Variants in UVRAG observed in about 807,000 individuals in gnomAD.
The protein encoded by UVRAG is UV radiation resistance associated.
A neutral mutation model predicts 78.0 loss-of-function variants in UVRAG; 19 were observed. The ratio of observed to expected loss-of-function variants is 0.24; its 90% CI spans 0.17 to 0.36. The LOEUF (loss-of-function observed/expected upper bound fraction) is 0.36. Among genes scored for constraint, UVRAG ranks in the 10% least tolerant of loss-of-function variants. UVRAG has a pLI of 1.00. For missense variants in UVRAG, 740 were observed against 853.8 expected, an observed-to-expected ratio of 0.87 and a Z score of 1.66; for synonymous variants, 323 against 324.6, an observed-to-expected ratio of 1.00 and a Z score of 0.05.
intron 6 of UVRAG, among the ~76,000 whole-genome samples, chr11:75,924,537 C>A (rs1948049900): frequency 6.6e-6 from 1 of 151,890 alleles, no homozygotes; most frequent in Non-Finnish European, 1.5e-5. Context: ...CAGGCGCCCA[C>A]CACCATGCCC....
intron 13 of UVRAG, among the ~76,000 whole-genome samples, chr11:76,067,790 A>T (rs1428998501): frequency 6.6e-6 from 1 of 152,048 alleles, no homozygotes; most frequent in South Asian, 2.1e-4. Flanking sequence ...CTAAGACTGC[A>T]CTAAGGAAGA....
At chr11:75,978,239 T>G (rs1426002723) in intron 7 of UVRAG, among the ~76,000 whole-genome samples, 1 of 152,220 alleles carries the variant, frequency 6.6e-6, no homozygotes, top group African/African-American at 2.4e-5. Context: ...AGAGATCCGC[T>G]GTTAGTCTGA....
intron 12 of UVRAG, among the ~76,000 whole-genome samples, chr11:76,019,947 T>C (rs1950212619): frequency 6.6e-6 from 1 of 152,110 alleles, no homozygotes. Flanking sequence ...CCTGAGCAGG[T>C]CCAGAGATGC....
Position 75,822,678 on chromosome 11 carries a change from T to TA in UVRAG, c.117+7154_117+7155insA, listed in dbSNP as rs1565330002. On this transcript the variant is annotated intron_variant, in intron 1 of 14. Transcript: ENST00000356136. ...TGCACTTACTGTTTTTTTTTTTTTTTTAAATAAACAATATTACACAGGATA... is the reference window on the plus strand; with the variant it reads ...TGCACTTACTGTTTTTTTTTTTTTTTATAAATAAACAATATTACACAGGATA... 3.8e-3 allele frequency among the ~76,000 whole-genome samples: 574 copies of TA among 150,184 alleles called. 3 individuals are homozygous for TA. The highest frequency in any genetic ancestry group is 0.014 in the African/African-American group (564 of 39,698).
intron 13 of UVRAG, among the ~76,000 whole-genome samples, chr11:76,073,901 A>C (rs1406351189): frequency 6.6e-6 from 1 of 152,184 alleles, no homozygotes; most frequent in Non-Finnish European, 1.5e-5. Context: ...CTTACTAAAC[A>C]ACACATGGTA....
At chr11:75,881,470 C>A (rs555116467) in intron 4 of UVRAG, among the ~76,000 whole-genome samples, 1 of 152,148 alleles carries the variant, frequency 6.6e-6, no homozygotes, top group Non-Finnish European at 1.5e-5. Flanking sequence ...ATTCCAAAGG[C>A]GGCAAATCAG....
intron 3 of UVRAG, among the ~76,000 whole-genome samples, chr11:75,878,796 G>C (rs970438431): frequency 2.6e-5 from 4 of 151,892 alleles, no homozygotes; most frequent in Admixed American, 2.0e-4. Context: ...GTTGCAGTGA[G>C]CCGAGATGGC....
intron 13 of UVRAG, among the ~76,000 whole-genome samples, chr11:76,105,609 G>T (rs752050521): frequency 2.0e-5 from 3 of 151,972 alleles, no homozygotes; most frequent in African/African-American, 7.3e-5. Context: ...ACTTAGCTGG[G>T]TGTGGTGGCA....
At chr11:75,880,258 A>G (rs372750075) in intron 4 of UVRAG, among the ~76,000 whole-genome samples, 17 of 152,230 alleles carry the variant, frequency 1.1e-4, no homozygotes, top group African/African-American at 4.1e-4. Context: ...TAGTTTAACA[A>G]ACACCTTTGT....
chr11:76,021,405 T>C (rs1009854715), intron 12 of UVRAG, among the ~76,000 whole-genome samples: 2 of 152,202 alleles, frequency 1.3e-5, no homozygotes, highest in Non-Finnish European at 2.9e-5. Context: ...CTGCATTTTC[T>C]TTCTTCTTTT....
chr11:76,069,858 A>G (rs994303518), intron 13 of UVRAG, among the ~76,000 whole-genome samples: 5 of 152,152 alleles, frequency 3.3e-5, no homozygotes, highest in Admixed American at 2.6e-4. Context: ...CACCAAATCA[A>G]AGAAGACGAC....
chr11:76,057,988 G>T, intron 12 of UVRAG, among the ~76,000 whole-genome samples: 1 of 151,664 alleles, frequency 6.6e-6, no homozygotes. Context: ...TTGTTGTTTT[G>T]TTAATTGCTT....
chr11:75,975,788 A>G (rs921192749), intron 7 of UVRAG, among the ~76,000 whole-genome samples: 2 of 152,082 alleles, frequency 1.3e-5, no homozygotes, highest in Non-Finnish European at 2.9e-5. Context: ...GGGTTTTCTA[A>G]ATATACAATC....
At chr11:76,009,696 C>T (rs894909831) in intron 11 of UVRAG, among the ~76,000 whole-genome samples, 1 of 152,070 alleles carries the variant, frequency 6.6e-6, no homozygotes, top group Non-Finnish European at 1.5e-5. Flanking sequence ...TGTTTTGTTA[C>T]CCTGTTGGGC....
chr11:76,040,201 CA>C (rs1452599728), intron 12 of UVRAG, among the ~76,000 whole-genome samples: 1 of 151,994 alleles, frequency 6.6e-6, no homozygotes, highest in Non-Finnish European at 1.5e-5. Flanking sequence ...ATGCAAATAA[CA>C]GCACTAGATC....
intron 8 of UVRAG, among the ~76,000 whole-genome samples, chr11:75,993,757 T>C (rs1480264229): frequency 7.9e-5 from 12 of 152,320 alleles, no homozygotes; most frequent in Non-Finnish European, 1.5e-4. Context: ...GGGTAATTTA[T>C]ATAGAAAAGA....
chr11:76,108,460 A>G (rs1172231525), intron 13 of UVRAG, among the ~76,000 whole-genome samples: 1 of 152,184 alleles, frequency 6.6e-6, no homozygotes, highest in South Asian at 2.1e-4. Flanking sequence ...TCCCTCATCA[A>G]TGGAGCAACA....
chr11:75,912,132 A>G, intron 6 of UVRAG, 93 bp downstream of exon 6: 1 of 923,694 alleles, frequency 1.1e-6, no homozygotes. Flanking sequence ...CGGAAGCTTT[A>G]GAGGCTGTTA....
intron 5 of UVRAG, among the ~76,000 whole-genome samples, chr11:75,892,973 T>A (rs1235661191): frequency 6.6e-6 from 1 of 152,068 alleles, no homozygotes; most frequent in Non-Finnish European, 1.5e-5. Context: ...AGGTCAGGCA[T>A]TCAAGACCAG....
Sources: allele counts gnomAD v4.1 joint callset (sites outside exome capture counted in the v4.1 genomes callset), GRCh38; gene constraint gnomAD v4.1.1; transcripts MANE v1.5; gene names NCBI Gene and HGNC (gene_info 2026-07-23, HGNC 2026-07-21).